The following MFF variants were observed in gnomAD, a reference collection of about 807,000 sequenced individuals.
MFF encodes the protein chromosome 2 open reading frame 33.
MFF carries 12 observed loss-of-function variants against 36.9 expected under a neutral mutation model. The observed-to-expected ratio is 0.33, with a 90% CI of 0.21 to 0.53. MFF has a LOEUF of 0.53. MFF is among the 20% of genes least tolerant of loss of function. The pLI is 0.95. For synonymous variants in MFF, 99 were observed against 126.2 expected (o/e 0.78, Z 1.44); for missense variants, 348 against 366.6 (o/e 0.95, Z 0.42).
At position 227,340,435 on chromosome 2, in the gene MFF, C is replaced by T; in HGVS notation, c.440+55C>T. The T allele has an allele frequency of 1.5e-5, 20 of 1,347,322 alleles. No individual in the cohort carries two copies. The South Asian group carries it at 2.1e-4, about 14-fold the overall frequency. The allele number at this position is 1,347,322 out of a possible 1,614,324, so 83.5% of individuals were successfully genotyped here. A position where few individuals can be genotyped will look rare whatever the true frequency, so the allele number is the denominator to read the frequency against. On this transcript the variant is annotated intron_variant, in intron 5 of 8. Coordinates refer to ENST00000304593, the MANE Select transcript of MFF (RefSeq NM_001277062.2). Reference sequence around the variant, plus strand: ...TTTGTAAGTTTTCTCAGGATATTTTCTGTACCCATGTTTTTCTAAATAATT... The same window carrying T: ...TTTGTAAGTTTTCTCAGGATATTTTTTGTACCCATGTTTTTCTAAATAATT...
chr2:227,348,942 G>C (rs1052152864), intron 6 of MFF, among the ~76,000 whole-genome samples: 1 of 151,872 alleles, frequency 6.6e-6, no homozygotes, highest in Admixed American at 6.6e-5. Context: ...TATTTACAAG[G>C]GCCTGTTTTC....
rs531923234 is a variant in MFF at position 227,340,314 on chromosome 2, AAAG to A, written c.376_378del (p.Arg126del). 7.0e-4 allele frequency: 1,131 copies of A among 1,614,012 alleles called. 1 individual carries two copies. The highest frequency in any genetic ancestry group is 1.1e-3 in the Admixed American group (68 of 60,020). ...CAGATCCGAGCAGTTGGCAGACTAAAAAGAGAGCGGTCTATGAGTGAAAATGCT... is the reference window on the plus strand; with the variant it reads ...CAGATCCGAGCAGTTGGCAGACTAAAAGAGCGGTCTATGAGTGAAAATGCT... On this transcript the variant is annotated inframe_deletion, in exon 5 of 9. Coordinates refer to ENST00000304593, the MANE Select transcript of MFF (RefSeq NM_001277062.2).
At chr2:227,333,332 T>A (rs532437885) in intron 4 of MFF, among the ~76,000 whole-genome samples, 6 of 152,156 alleles carry the variant, frequency 3.9e-5, no homozygotes, top group Non-Finnish European at 7.4e-5. Context: ...GCAATGCAAT[T>A]TTCTAGGATT....
Position 227,340,334 on chromosome 2 carries a change from GAAAATGCTGTTCGCCA to G in MFF, c.398_413del (p.Asn133MetfsTer11). The G allele has an allele frequency of 6.2e-7, 1 of 1,614,020 alleles. No homozygotes were observed. On this transcript the variant is annotated frameshift_variant, in exon 5 of 9. Transcript: ENST00000304593. LOFTEE classifies it high-confidence loss of function. ...ACTAAAAAGAGAGCGGTCTATGAGT[GAAAATGCTGTTCGCCA>G]AAATGGACAGCTGGTCAGAAATGAT...
Position 227,347,690 on chromosome 2 carries a change from C to G in MFF, c.599+306C>G, listed in dbSNP as rs533471607. ...CACTTAGGGATATGCCAAGGGGCCCCGTCCCATTGGATTGAGTGTTAGACT... is the reference window on the plus strand; with the variant it reads ...CACTTAGGGATATGCCAAGGGGCCCGGTCCCATTGGATTGAGTGTTAGACT... On this transcript the variant is annotated intron_variant, in intron 6 of 8. Coordinates refer to ENST00000304593, the MANE Select transcript of MFF (RefSeq NM_001277062.2). Among the ~76,000 whole-genome samples, 6 of 152,268 alleles carry G rather than the reference C, an allele frequency of 3.9e-5. No individual in the cohort carries two copies. The East Asian group carries it at 9.7e-4, about 25-fold the overall frequency.
At chr2:227,352,643 C>T in intron 7 of MFF, 70 bp downstream of exon 7, 1 of 1,209,658 alleles carries the variant, frequency 8.3e-7, no homozygotes, top group Non-Finnish European at 1.2e-6. Flanking sequence ...GGGCATGTTG[C>T]ATGTCGTAGC....
At chr2:227,334,825 A>G (rs529098096) in intron 4 of MFF, among the ~76,000 whole-genome samples, 6 of 152,324 alleles carry the variant, frequency 3.9e-5, no homozygotes, top group Admixed American at 2.0e-4. Flanking sequence ...TGATGAATGG[A>G]TAAGCAAAAC....
intron 3 of MFF, among the ~76,000 whole-genome samples, chr2:227,331,346 A>G (rs1369321997): frequency 6.6e-6 from 1 of 152,194 alleles, no homozygotes; most frequent in Non-Finnish European, 1.5e-5. Context: ...GTTGTTGCAT[A>G]TATCAGTTGT....
In MFF at chr2:227,342,852, AGTT is replaced by A. The variant is rs1282693999; in HGVS notation, c.440+2476_440+2478del. 1.9e-6 allele frequency: 3 copies of A among 1,569,128 alleles called. No homozygotes were observed. In the South Asian group the frequency reaches 3.3e-5, roughly 17 times the overall value. The stretch of plus-strand genomic sequence containing the variant: ...TTTATCTGCTCTGCTTTTGACAAGT[AGTT>A]GTTTTGATTTTGAAGGATTATGTTA... On this transcript the variant is annotated intron_variant, in intron 5 of 8. Coordinates refer to ENST00000304593, the MANE Select transcript of MFF (RefSeq NM_001277062.2).
chr2:227,325,802 A>G (rs754386318), intron 1 of MFF: 1 of 152,176 alleles, frequency 6.6e-6, no homozygotes, highest in Non-Finnish European at 1.5e-5. Flanking sequence ...GCAGGTCTTC[A>G]CTCATCCTTC....
intron 4 of MFF, among the ~76,000 whole-genome samples, chr2:227,334,045 A>C (rs527255927): frequency 1.3e-5 from 2 of 152,330 alleles, no homozygotes; most frequent in East Asian, 1.9e-4. Context: ...GGGGTAAAAA[A>C]GTTTGTGTGA....
At chr2:227,325,968 C>G (rs904513337) in intron 1 of MFF, among the ~76,000 whole-genome samples, 3 of 152,076 alleles carry the variant, frequency 2.0e-5, no homozygotes, top group African/African-American at 7.2e-5. Flanking sequence ...CCACCCTGTC[C>G]GTCTGTGAGC....
intron 6 of MFF, among the ~76,000 whole-genome samples, chr2:227,350,192 C>G (rs988270443): frequency 3.9e-5 from 6 of 152,060 alleles, no homozygotes; most frequent in Non-Finnish European, 5.9e-5. Flanking sequence ...ATTTGGAGAA[C>G]TGATACACTG....
intron 2 of MFF, 150 bp from the exon 3 acceptor site, chr2:227,330,476 C>T (rs2074487828): frequency 3.4e-6 from 2 of 590,448 alleles, no homozygotes; most frequent in African/African-American, 1.9e-5. Context: ...CATTTTCTTT[C>T]ATCTTTTATT....
chr2:227,325,406 G>A lies in MFF; in HGVS notation c.-174G>A, dbSNP rs1179467965. ...AGCCAGAGGGCGGGGGTCCTCGCCG[G>A]GACCCTCCTGTGGGCCCAGGGGTGA... On this transcript the variant is annotated 5_prime_UTR_variant, in exon 1 of 9. Transcript: ENST00000304593. 6.5e-6 allele frequency: 1 copy of A among 154,864 alleles called. No homozygotes were observed. Among genetic ancestry groups the A allele is most frequent in the Non-Finnish European group, 1.4e-5 (1 of 69,484 alleles). The allele number at this position is 154,864 out of a possible 1,614,324, so 9.6% of individuals were successfully genotyped here.
chr2:227,326,179 A>C (rs1400692419), intron 1 of MFF, among the ~76,000 whole-genome samples: 1 of 151,852 alleles, frequency 6.6e-6, no homozygotes, highest in Non-Finnish European at 1.5e-5. Flanking sequence ...TCGAGGGAAG[A>C]GCACCCTTTC....
At chr2:227,351,613 C>T (rs1300085463) in intron 6 of MFF, 1 of 152,182 alleles carries the variant, frequency 6.6e-6, no homozygotes, top group East Asian at 1.9e-4. Context: ...CCTTTCTCTG[C>T]TTAGTAAATA....
chr2:227,337,046 AAG>A (rs1477057422), intron 4 of MFF, among the ~76,000 whole-genome samples: 1 of 152,214 alleles, frequency 6.6e-6, no homozygotes, highest in Non-Finnish European at 1.5e-5. Context: ...CACTTCTGGA[AAG>A]AGGAGCTGGG....
At position 227,356,840 on chromosome 2, in the gene MFF, G is replaced by A; in HGVS notation, c.745-146G>A. On this transcript the variant is annotated intron_variant, in intron 8 of 8. Coordinates refer to ENST00000304593, the MANE Select transcript of MFF (RefSeq NM_001277062.2). The stretch of plus-strand genomic sequence containing the variant: ...GACATGTTTTTCTATGTGTAGTTGT[G>A]TTTATTTTGCTCCAAATGAAACTTT... The A allele has an allele frequency of 4.6e-6, 3 of 656,354 alleles. No homozygotes were observed. The South Asian group carries it at 6.6e-5, about 14-fold the overall frequency. The allele number at this position is 656,354 out of a possible 1,614,324, so 40.7% of individuals were successfully genotyped here. A position where few individuals can be genotyped will look rare whatever the true frequency, so the allele number is the denominator to read the frequency against.
Sources: allele counts gnomAD v4.1 joint callset (sites outside exome capture counted in the v4.1 genomes callset), GRCh38; gene constraint gnomAD v4.1.1; transcripts MANE v1.5; gene names NCBI Gene and HGNC (gene_info 2026-07-23, HGNC 2026-07-21).